Variants in POLR3B observed in about 807,000 individuals in gnomAD.
POLR3B encodes the protein RNA polymerase III subunit B.
In POLR3B, 96 loss-of-function variants were observed where a neutral mutation model predicts 147.4. The observed-to-expected ratio is 0.65, with a 90% CI of 0.55 to 0.77. The LOEUF is 0.77. Ranked by LOEUF, POLR3B falls within the 30% of genes least tolerant of loss-of-function variation. POLR3B has a pLI of 0.00. For synonymous variants in POLR3B, 461 were observed against 485.9 expected, an observed-to-expected ratio of 0.95 and a Z score of 0.67; for missense variants, 1,036 against 1,413.5, an observed-to-expected ratio of 0.73 and a Z score of 4.28.
intron 9 of POLR3B, among the ~76,000 whole-genome samples, chr12:106,390,573 C>T (rs540332630): frequency 9.3e-5 from 14 of 150,904 alleles, no homozygotes; most frequent in African/African-American, 3.2e-4. Flanking sequence ...TTAATGAAAT[C>T]GTGTAATTTT....
chr12:106,471,488 C>T (rs1385353895), intron 23 of POLR3B, among the ~76,000 whole-genome samples: 1 of 152,106 alleles, frequency 6.6e-6, no homozygotes, highest in Non-Finnish European at 1.5e-5. Context: ...TCCAGCCAGT[C>T]CCAGTGAGAT....
intron 3 of POLR3B, 36 bp downstream of exon 3, chr12:106,366,608 G>A (rs373936359): frequency 4.8e-5 from 77 of 1,595,272 alleles, no homozygotes; most frequent in Non-Finnish European, 6.3e-5. Context: ...CATAAACTAA[G>A]GATTAATTGG....
At position 106,417,191 on chromosome 12, in the gene POLR3B, A is replaced by T. The variant is rs151127973; in HGVS notation, c.1101+6231A>T. Reference sequence around the variant, plus strand: ...CCACATATGTGCAGGCCGATATTTGAATAAGGAGAAGTTGCTCTCATGCAG... The same window carrying T: ...CCACATATGTGCAGGCCGATATTTGTATAAGGAGAAGTTGCTCTCATGCAG... On this transcript the variant is annotated intron_variant, in intron 12 of 27. Coordinates refer to ENST00000228347, the MANE Select transcript of POLR3B (RefSeq NM_018082.6). Among the ~76,000 whole-genome samples, 668 of 152,324 alleles carry T rather than the reference A, an allele frequency of 4.4e-3. 4 individuals carry two copies. The highest frequency in any genetic ancestry group is 0.015 in the African/African-American group (643 of 41,578).
At chr12:106,401,277 A>G (rs7298062) in intron 10 of POLR3B, among the ~76,000 whole-genome samples, 51,290 of 152,044 alleles carry the variant, frequency 0.34, 11,522 homozygotes, top group African/African-American at 0.64. Flanking sequence ...AAACCAGGAA[A>G]AAGTTGAATC....
intron 18 of POLR3B, among the ~76,000 whole-genome samples, chr12:106,440,009 T>G (rs1163609837): frequency 6.6e-6 from 1 of 152,158 alleles, no homozygotes; most frequent in Non-Finnish European, 1.5e-5. Flanking sequence ...TGAGCTATAC[T>G]TGGAACACCA....
At chr12:106,497,930 G>A (rs1008824757) in intron 25 of POLR3B, among the ~76,000 whole-genome samples, 5 of 152,170 alleles carry the variant, frequency 3.3e-5, no homozygotes, top group South Asian at 2.1e-4. Flanking sequence ...ACTATTGCCT[G>A]TCTCCCCAAC....
chr12:106,495,862 G>A (rs905366490), intron 23 of POLR3B, 193 bp from the exon 24 acceptor site: 23 of 679,082 alleles, frequency 3.4e-5, no homozygotes, highest in African/African-American at 2.5e-4. Context: ...AGTGCCTTTC[G>A]CAAGGAGAGT....
chr12:106,376,482 T>C (rs764960011), intron 7 of POLR3B, 32 bp downstream of exon 7: 8 of 1,432,364 alleles, frequency 5.6e-6, no homozygotes, highest in Non-Finnish European at 5.9e-6. Context: ...TGTCCCACTT[T>C]CCTTATTCTT....
rs545220938 is a variant in POLR3B, at chr12:106,376,740, C to T, written c.496+290C>T. On this transcript the variant is annotated intron_variant, in intron 7 of 27. Coordinates refer to ENST00000228347, the MANE Select transcript of POLR3B (RefSeq NM_018082.6). ...TCAAGCAATCCTCCCACCTCAGCTT[C>T]CCAAATAGATGGGACTACAGGCTTG... is the stretch of plus-strand genomic sequence containing the variant. Among the ~76,000 whole-genome samples, 3 of 152,252 alleles carry T rather than the reference C, an allele frequency of 2.0e-5. No individual in the cohort carries two copies. In the East Asian group the frequency reaches 5.8e-4, roughly 29 times the overall value.
chr12:106,502,710 T>C (rs2038620792), intron 26 of POLR3B, among the ~76,000 whole-genome samples: 1 of 152,080 alleles, frequency 6.6e-6, no homozygotes, highest in Admixed American at 6.5e-5. Flanking sequence ...ATGATAGACA[T>C]ATGTGTGCTT....
chr12:106,427,089 A>G, intron 12 of POLR3B, 108 bp from the exon 13 acceptor site: 1 of 755,804 alleles, frequency 1.3e-6, no homozygotes, highest in Non-Finnish European at 2.2e-6. Flanking sequence ...TTCTGTTTTA[A>G]GCAGTTTCTC....
chr12:106,410,584 A>G (rs997774812), intron 11 of POLR3B: 32 of 517,972 alleles, frequency 6.2e-5, no homozygotes, highest in Middle Eastern at 5.3e-4. Context: ...GTTTATATGA[A>G]GGGAAGAAGT....
In POLR3B at chr12:106,380,080, C is replaced by T. The variant is rs767558518; in HGVS notation, c.664C>T (p.Arg222Ter). 12 of 1,612,858 alleles carry T rather than the reference C, an allele frequency of 7.4e-6. No individual in the cohort carries two copies. Among genetic ancestry groups the T allele is most frequent in the South Asian group, 4.4e-5 (4 of 91,066 alleles). ...SRTNMAVKQG[R>*]FYLRHNTLSE... The stretch of plus-strand genomic sequence containing the variant: ...AACCAATATGGCTGTGAAACAAGGA[C>T]GATTTTATTTGAGGCATAATACTTT... Residue 222 changes from arginine (R) to a stop codon, truncating the protein, a stop_gained, in exon 9 of 28, where the codon CGA (arginine) becomes TGA (stop). Transcript: ENST00000228347. LOFTEE classifies it high-confidence loss of function.
At chr12:106,373,094 C>T (rs1273359152) in intron 6 of POLR3B, among the ~76,000 whole-genome samples, 1 of 152,178 alleles carries the variant, frequency 6.6e-6, no homozygotes, top group African/African-American at 2.4e-5. Flanking sequence ...TGTGTATTTC[C>T]TTCAGATCAG....
chr12:106,409,858 C>T lies in POLR3B; in HGVS notation c.967-968C>T, dbSNP rs143462372. Among the ~76,000 whole-genome samples, 15 of 152,206 alleles carry T rather than the reference C, an allele frequency of 9.9e-5. No individual in the cohort carries two copies. The East Asian group carries it at 2.7e-3, about 27-fold the overall frequency. ...AATTGGCAGAAGCTCAGGCTACATT[C>T]TCAAAATTTGTCTTTTTAGATGTAG... On this transcript the variant is annotated intron_variant, in intron 11 of 27. Coordinates refer to ENST00000228347, the MANE Select transcript of POLR3B (RefSeq NM_018082.6).
Position 106,393,071 on chromosome 12 carries a change from T to C in POLR3B, c.764T>C (p.Ile255Thr), listed in dbSNP as rs2036932372. The change falls in exon 10 of 28, where the codon ATT (isoleucine) becomes ACT (threonine). Residue 255 changes from isoleucine to threonine, a missense_variant. Physicochemically the swap from Ile to Thr is moderately conservative, Grantham distance 89. Around this residue, in one of 12 missense-constraint regions of POLR3B, gnomAD observed 217 missense variants for 288.7 expected, o/e 0.75. Transcript: ENST00000228347. ...VESDQEIVQM[I>T]GTEEHVMAAF... is the part of the protein sequence containing the mutation. ...AGTGACCAGGAAATTGTGCAGATGA[T>C]TGGAACAGAGGAGCACGTGATGGCT... is the stretch of plus-strand genomic sequence containing the variant. 3 of 1,614,048 alleles carry C rather than the reference T, an allele frequency of 1.9e-6. No homozygotes were observed. Among genetic ancestry groups the C allele is most frequent in the African/African-American group, 2.7e-5 (2 of 74,906 alleles).
chr12:106,418,432 C>G (rs766350297), intron 12 of POLR3B, among the ~76,000 whole-genome samples: 35 of 152,104 alleles, frequency 2.3e-4, no homozygotes, highest in Non-Finnish European at 4.4e-4. Flanking sequence ...TTAAGGCTGC[C>G]TAATGTCTTT....
At chr12:106,423,869 T>C (rs191617283) in intron 12 of POLR3B, among the ~76,000 whole-genome samples, 40 of 151,984 alleles carry the variant, frequency 2.6e-4, no homozygotes, top group Middle Eastern at 3.4e-3. Context: ...TTTTTTTTTT[T>C]CCTCGGGACA....
At chr12:106,374,877 T>A (rs959189115) in intron 6 of POLR3B, among the ~76,000 whole-genome samples, 6 of 152,188 alleles carry the variant, frequency 3.9e-5, no homozygotes, top group East Asian at 1.9e-4. Flanking sequence ...AAGTTCGCAT[T>A]TGTTTATATC....
Sources: gnomAD v4.1 joint callset for allele counts (sites outside exome capture counted in the v4.1 genomes callset) on GRCh38, gnomAD v4.1.1 for gene constraint, gnomAD v4.1.1 regional missense constraint, MANE v1.5 for transcripts, NCBI Gene and HGNC (gene_info 2026-07-23, HGNC 2026-07-21) for gene names.